The following LCA5L variants were observed in gnomAD, a reference collection of about 807,000 sequenced individuals.
The protein encoded by LCA5L is lebercilin-like protein.
LCA5L carries 35 observed loss-of-function variants against 45.4 expected under a neutral mutation model. The ratio of observed to expected loss-of-function variants is 0.77; its 90% CI spans 0.59 to 1.02. The LOEUF is 1.02. Ranked by LOEUF, LCA5L falls within the 50% of genes least tolerant of loss-of-function variation. LCA5L has a pLI of 0.00. For missense variants in LCA5L, 668 were observed against 761.6 expected, an observed-to-expected ratio of 0.88 and a Z score of 1.45; for synonymous variants, 233 against 264.7, an observed-to-expected ratio of 0.88 and a Z score of 1.16.
At position 39,433,549 on chromosome 21, in the gene LCA5L, A is replaced by G. The variant is rs372482617; in HGVS notation, c.-92+1871T>C. On this transcript the variant is annotated intron_variant, in intron 3 of 10. Coordinates refer to ENST00000288350, the MANE Select transcript of LCA5L (RefSeq NM_152505.4). ...TTAAATCTGTAATCCATTTTGAGTT[A>G]CTTATTATGGATTAAAATTCATTTT... 3.7e-4 allele frequency among the ~76,000 whole-genome samples: 56 copies of G among 151,792 alleles called. 1 individual carries two copies. The South Asian group carries it at 7.3e-3, about 20-fold the overall frequency.
In LCA5L at chr21:39,435,521, T is replaced by C. The variant is rs1346151621; in HGVS notation, c.-193A>G. ...TATTTATGAGCTTTCCACGGTAGTA[T>C]TTTTTTGACAGGTTTTGGTCTCTTT... On this transcript the variant is annotated 5_prime_UTR_variant, in exon 3 of 11. Transcript: ENST00000288350. 1.3e-5 allele frequency: 2 copies of C among 152,194 alleles called. No individual in the cohort carries two copies. The highest frequency in any genetic ancestry group is 2.4e-5 in the African/African-American group (1 of 41,452). 9.4% of individuals were successfully genotyped at this position (152,194 alleles called of 1,614,324 possible).
intron 3 of LCA5L, among the ~76,000 whole-genome samples, chr21:39,430,663 T>TC (rs942642984): frequency 3.9e-5 from 6 of 152,178 alleles, no homozygotes; most frequent in African/African-American, 9.6e-5. Flanking sequence ...AGCAGTCACG[T>TC]CCCCCCATCC....
intron 7 of LCA5L, 87 bp downstream of exon 7, chr21:39,420,619 A>AATCACT: frequency 8.2e-7 from 1 of 1,212,614 alleles, no homozygotes; most frequent in Non-Finnish European, 1.2e-6. Flanking sequence ...TAAAATAAAA[A>AATCACT]ATCACTTAAA....
rs1489129978 is a variant in LCA5L at position 39,423,094 on chromosome 21, T to C, written c.719A>G (p.Asp240Gly). The C allele has an allele frequency of 6.2e-7, 1 of 1,613,872 alleles. No individual in the cohort carries two copies. The highest frequency in any genetic ancestry group is 8.5e-7 in the Non-Finnish European group (1 of 1,179,838). ...AAGTTTCTGCAGTGCCTGCAAGATA[T>C]CTTTAGTCTTCAGTAACTGGCTGTC... ...ETDSQLLKTK[D>G]ILQALQKLSE... The change falls in exon 6 of 11, where the codon GAT becomes GGT. Residue 240 changes from aspartate to glycine, a missense_variant. Coordinates refer to ENST00000288350, the MANE Select transcript of LCA5L (RefSeq NM_152505.4).
chr21:39,424,646 T>A (rs1387017272), intron 5 of LCA5L, among the ~76,000 whole-genome samples: 1 of 152,236 alleles, frequency 6.6e-6, no homozygotes, highest in East Asian at 1.9e-4. Flanking sequence ...AAAGAACTTA[T>A]ATATTCAAAA....
intron 6 of LCA5L, chr21:39,421,806 AAAACAGTTTTCCTCCACT>A (rs2073814245): frequency 6.6e-6 from 1 of 151,804 alleles, no homozygotes; most frequent in Admixed American, 6.6e-5. Flanking sequence ...TTTGGTCCAC[AAAACAGTTTTCCTCCACT>A]AAATGCCTAC....
intron 7 of LCA5L, among the ~76,000 whole-genome samples, chr21:39,416,410 T>C (rs1028585622): frequency 6.6e-6 from 1 of 152,220 alleles, no homozygotes; most frequent in Non-Finnish European, 1.5e-5. Context: ...GATACTACCC[T>C]AATGGTCCTT....
At chr21:39,417,841 C>A (rs530353890) in intron 7 of LCA5L, among the ~76,000 whole-genome samples, 6 of 152,270 alleles carry the variant, frequency 3.9e-5, no homozygotes, top group Non-Finnish European at 8.8e-5. Flanking sequence ...TCTCCGCTCA[C>A]TGCAAGCTCC....
At position 39,409,447 on chromosome 21, in the gene LCA5L, C is replaced by T. The variant is rs956369098; in HGVS notation, c.1282+532G>A. 5.9e-5 allele frequency among the ~76,000 whole-genome samples: 9 copies of T among 152,150 alleles called. No individual in the cohort carries two copies. Among genetic ancestry groups the T allele is most frequent in the Admixed American group, 1.3e-4 (2 of 15,296 alleles). ...GGAATGACTGGCCTAAAACCCAAGA[C>T]GGTGGTGGTTTCTGGTGGGCAGGGC... On this transcript the variant is annotated intron_variant, in intron 10 of 10. Transcript: ENST00000288350. This position sits in a 1 kb window ranked among gnomAD's most constrained non-coding sequence, Gnocchi z 4.2.
intron 2 of LCA5L, among the ~76,000 whole-genome samples, chr21:39,442,607 A>C (rs1228854479): frequency 6.6e-6 from 1 of 152,074 alleles, no homozygotes; most frequent in Non-Finnish European, 1.5e-5. Flanking sequence ...CCCAGGAGAC[A>C]ACCTCACCTG....
chr21:39,445,768 G>C lies in LCA5L; in HGVS notation c.-356C>G, dbSNP rs778643619. ...ACGACTGCGCCAACGCCGCAGCGCC[G>C]GCGCGTCCCCATGGAAACCCGCGCG... is the stretch of plus-strand genomic sequence containing the variant. On this transcript the variant is annotated 5_prime_UTR_variant, in exon 1 of 11. Transcript: ENST00000288350. 1 of 152,184 alleles carries C rather than the reference G, an allele frequency of 6.6e-6. No individual in the cohort carries two copies. The highest frequency in any genetic ancestry group is 2.1e-4 in the South Asian group (1 of 4,836). 9.4% of individuals were successfully genotyped at this position (152,184 alleles called of 1,614,324 possible).
At chr21:39,427,547 A>G (rs1028827722) in intron 5 of LCA5L, among the ~76,000 whole-genome samples, 2 of 151,998 alleles carry the variant, frequency 1.3e-5, no homozygotes, top group Non-Finnish European at 2.9e-5. Flanking sequence ...CTGTAGTCCC[A>G]GCTACTCAGG....
chr21:39,436,463 A>G (rs1219687164), intron 2 of LCA5L, among the ~76,000 whole-genome samples: 1 of 152,140 alleles, frequency 6.6e-6, no homozygotes, highest in Admixed American at 6.5e-5. Context: ...TCTGGCTGAA[A>G]TTATTCTATG....
At position 39,423,215 on chromosome 21, in the gene LCA5L, T is replaced by C. The variant is rs774362040; in HGVS notation, c.598A>G (p.Met200Val). ...TTTACTTCATTCTGATGTTTAGCCATAATTTGAGGTAGATTATTTTGTGAA... is the reference window on the plus strand; with the variant it reads ...TTTACTTCATTCTGATGTTTAGCCACAATTTGAGGTAGATTATTTTGTGAA... Reference protein sequence around the residue: ...ENSQNNLPQIMAKHQNEVKNL... With the variant: ...ENSQNNLPQIVAKHQNEVKNL... The change falls in exon 6 of 11, where the codon ATG becomes GTG. Residue 200 changes from methionine (M) to valine (V), a missense_variant. Met to Val is a conservative substitution (Grantham distance 21, BLOSUM62 1). Coordinates refer to ENST00000288350, the MANE Select transcript of LCA5L (RefSeq NM_152505.4). 3 of 1,611,814 alleles carry C rather than the reference T, an allele frequency of 1.9e-6. No homozygotes were observed.
chr21:39,435,937 C>G (rs2076245168), intron 2 of LCA5L, among the ~76,000 whole-genome samples: 2 of 152,198 alleles, frequency 1.3e-5, no homozygotes, highest in African/African-American at 4.8e-5. Context: ...TGCACCTGGC[C>G]ACAGGCGGCT....
intron 5 of LCA5L, chr21:39,427,888 A>G (rs892398371): frequency 4.8e-6 from 1 of 210,322 alleles, no homozygotes; most frequent in Non-Finnish European, 9.4e-6. Flanking sequence ...GGTACTCTGT[A>G]ACAAGGCCAC....
intron 3 of LCA5L, among the ~76,000 whole-genome samples, chr21:39,433,927 C>CTT (rs10574659): frequency 9.3e-4 from 89 of 95,800 alleles, no homozygotes; most frequent in East Asian, 2.0e-3. Context: ...CCACATCCAG[C>CTT]TTTTTTTTTT....
chr21:39,444,699 G>C (rs2077253761), intron 1 of LCA5L: 1 of 152,108 alleles, frequency 6.6e-6, no homozygotes, highest in Admixed American at 6.5e-5. Flanking sequence ...AGAAATGGTA[G>C]AATTGTGAAT....
rs570803287 is a variant in LCA5L at position 39,434,777 on chromosome 21, C to A, written c.-92+643G>T. 4.6e-5 allele frequency among the ~76,000 whole-genome samples: 7 copies of A among 152,280 alleles called. 1 individual carries two copies. In the South Asian group the frequency reaches 1.5e-3, roughly 32 times the overall value. On this transcript the variant is annotated intron_variant, in intron 3 of 10. Transcript: ENST00000288350. ...AAGCAATCCTCCCATCTCAGCCTCT[C>A]AAAGTGCTAGGATTACAGGCATGAC...
Sources: allele counts gnomAD v4.1 joint callset (sites outside exome capture counted in the v4.1 genomes callset), GRCh38; gene constraint gnomAD v4.1.1; non-coding constraint Gnocchi (gnomAD v3.1); transcripts MANE v1.5; gene names NCBI Gene and HGNC (gene_info 2026-07-23, HGNC 2026-07-21).